FBXL13: variants seen among roughly 807,000 people sequenced by gnomAD.
The protein encoded by FBXL13 is F-box and leucine rich repeat protein 13, also known as F-box and leucine-rich repeat protein 13.
A neutral mutation model predicts 83.6 loss-of-function variants in FBXL13; 67 were observed. The ratio of observed to expected loss-of-function variants is 0.80; its 90% CI spans 0.66 to 0.98. FBXL13 has a LOEUF of 0.98. Ranked by LOEUF, FBXL13 falls within the 50% of genes least tolerant of loss-of-function variation. The pLI is 0.00. For synonymous variants in FBXL13, 272 were observed against 299.5 expected, an observed-to-expected ratio of 0.91 and a Z score of 0.95; for missense variants, 822 against 866.5, an observed-to-expected ratio of 0.95 and a Z score of 0.64.
chr7:102,902,707 T>C (rs1218217865), intron 11 of FBXL13, among the ~76,000 whole-genome samples: 1 of 152,222 alleles, frequency 6.6e-6, no homozygotes, highest in East Asian at 1.9e-4. Flanking sequence ...TGTGTGTCCT[T>C]GGCACCTTTG....
chr7:103,017,642 G>A (rs1007288185), intron 6 of FBXL13, among the ~76,000 whole-genome samples: 3 of 152,168 alleles, frequency 2.0e-5, no homozygotes, highest in African/African-American at 7.2e-5. Flanking sequence ...ATCTGATGGA[G>A]CTTAAAACCA....
chr7:103,066,761 T>G (rs1225431348), intron 1 of FBXL13, among the ~76,000 whole-genome samples: 3 of 152,114 alleles, frequency 2.0e-5, no homozygotes, highest in Non-Finnish European at 4.4e-5. Context: ...CAATTGATTT[T>G]TTAATATTCA....
At chr7:102,869,740 T>A (rs1808277295) in intron 16 of FBXL13, among the ~76,000 whole-genome samples, 1 of 152,206 alleles carries the variant, frequency 6.6e-6, no homozygotes, top group South Asian at 2.1e-4. Flanking sequence ...GAATGTTCTT[T>A]CCCCAATGTG....
chr7:102,880,459 C>T (rs931785881), intron 14 of FBXL13, among the ~76,000 whole-genome samples: 6 of 152,136 alleles, frequency 3.9e-5, no homozygotes, highest in Non-Finnish European at 8.8e-5. Flanking sequence ...ATTTCAATAA[C>T]TATATTACAT....
chr7:102,863,880 G>T (rs1316645620), intron 16 of FBXL13, among the ~76,000 whole-genome samples: 1 of 151,984 alleles, frequency 6.6e-6, no homozygotes, highest in East Asian at 1.9e-4. Context: ...CTGCCTCCCT[G>T]TTCCCCATAT....
intron 14 of FBXL13, among the ~76,000 whole-genome samples, chr7:102,880,642 T>C (rs539695930): frequency 6.6e-6 from 1 of 152,348 alleles, no homozygotes; most frequent in Non-Finnish European, 1.5e-5. Context: ...GAAGGTCAAA[T>C]GTATCTTGCT....
chr7:103,062,187 G>GATACAATCA (rs1004195905), intron 1 of FBXL13, among the ~76,000 whole-genome samples: 3 of 152,100 alleles, frequency 2.0e-5, no homozygotes, highest in African/African-American at 7.2e-5. Flanking sequence ...CTTCCTCTCA[G>GATACAATCA]ATACAATCAC....
chr7:102,934,818 A>G (rs1315380054), intron 8 of FBXL13: 1 of 853,970 alleles, frequency 1.2e-6, no homozygotes, highest in African/African-American at 1.7e-5. Context: ...CCCTATTGAC[A>G]ATGGAATTTA....
At chr7:103,027,805 CAT>C (rs1794106281) in intron 4 of FBXL13, among the ~76,000 whole-genome samples, 1 of 152,194 alleles carries the variant, frequency 6.6e-6, no homozygotes, top group African/African-American at 2.4e-5. Flanking sequence ...AATGTCAAGA[CAT>C]GTATCATTTC....
intron 2 of FBXL13, among the ~76,000 whole-genome samples, chr7:103,034,542 C>T (rs10230700): frequency 0.036 from 5,516 of 152,338 alleles, 307 homozygotes; most frequent in African/African-American, 0.13. Context: ...CCCGCTGGCC[C>T]GCAAGCACAG....
intron 8 of FBXL13, among the ~76,000 whole-genome samples, chr7:102,932,385 T>C (rs545694350): frequency 1.3e-5 from 2 of 152,350 alleles, no homozygotes; most frequent in Non-Finnish European, 2.9e-5. Context: ...TCTTTTACTG[T>C]ATTTGCTTTA....
At chr7:102,930,942 A>G (rs1455978300) in intron 9 of FBXL13, among the ~76,000 whole-genome samples, 1 of 152,148 alleles carries the variant, frequency 6.6e-6, no homozygotes, top group East Asian at 1.9e-4. Flanking sequence ...TGCTATGACT[A>G]CCACAAAGAA....
At chr7:102,920,593 C>T (rs1486845972) in intron 10 of FBXL13, among the ~76,000 whole-genome samples, 4 of 152,138 alleles carry the variant, frequency 2.6e-5, no homozygotes, top group African/African-American at 7.2e-5. Flanking sequence ...TCAAGTAGTC[C>T]GCCCACTTCA....
At chr7:102,924,856 C>G (rs548624069) in intron 10 of FBXL13, among the ~76,000 whole-genome samples, 1 of 151,970 alleles carries the variant, frequency 6.6e-6, no homozygotes, top group South Asian at 2.1e-4. Context: ...GTCTCAATCT[C>G]CTGACCTCAT....
intron 16 of FBXL13, among the ~76,000 whole-genome samples, chr7:102,859,567 A>G (rs1806512426): frequency 6.6e-6 from 1 of 152,144 alleles, no homozygotes; most frequent in African/African-American, 2.4e-5. Context: ...CCAAGGTTTT[A>G]GCCCTGGGAG....
intron 18 of FBXL13, among the ~76,000 whole-genome samples, chr7:102,827,545 C>G (rs965216043): frequency 6.6e-6 from 1 of 151,668 alleles, no homozygotes; most frequent in African/African-American, 2.4e-5. Context: ...TTTTTTTATA[C>G]TTTAAGTTTT....
At chr7:102,999,679 A>G (rs563513248) in intron 6 of FBXL13, among the ~76,000 whole-genome samples, 9 of 151,210 alleles carry the variant, frequency 6.0e-5, no homozygotes, top group Non-Finnish European at 1.2e-4. Flanking sequence ...CATTTCTTCT[A>G]TGTTTTCCAA....
intron 2 of FBXL13, among the ~76,000 whole-genome samples, chr7:103,040,389 C>A (rs1237056198): frequency 6.6e-6 from 1 of 152,138 alleles, no homozygotes; most frequent in Non-Finnish European, 1.5e-5. Flanking sequence ...GACTTTAACA[C>A]CCCACTGTCA....
At chr7:102,837,976 A>G (rs541639442) in intron 17 of FBXL13, among the ~76,000 whole-genome samples, 2 of 152,392 alleles carry the variant, frequency 1.3e-5, no homozygotes, top group Admixed American at 1.3e-4. Context: ...AATTAGTTCA[A>G]GATGAGAGAG....
Sources: gnomAD v4.1 joint callset for allele counts (sites outside exome capture counted in the v4.1 genomes callset) on GRCh38, gnomAD v4.1.1 for gene constraint, MANE v1.5 for transcripts, NCBI Gene and HGNC (gene_info 2026-07-23, HGNC 2026-07-21) for gene names.